Variants in ALDH1A2 observed in about 807,000 individuals in gnomAD.
The protein encoded by ALDH1A2 is aldehyde dehydrogenase 1 family member A2, also known as retinal dehydrogenase 2.
Under a neutral mutation model 60.3 loss-of-function variants are expected in ALDH1A2, and 27 were observed. The ratio of observed to expected loss-of-function variants is 0.45; its 90% CI spans 0.33 to 0.62. The LOEUF (loss-of-function observed/expected upper bound fraction) is 0.62, where lower values mean the gene tolerates loss of function less well. Among genes scored for constraint, ALDH1A2 ranks in the 20% least tolerant of loss-of-function variants. The pLI is 0.02. For missense variants in ALDH1A2, 581 were observed against 643.8 expected, an observed-to-expected ratio of 0.90 and a Z score of 1.06; for synonymous variants, 289 against 232.4, an observed-to-expected ratio of 1.24 and a Z score of -2.21.
At chr15:57,992,348 A>G (rs1894923756) in intron 7 of ALDH1A2, among the ~76,000 whole-genome samples, 1 of 152,216 alleles carries the variant, frequency 6.6e-6, no homozygotes, top group Non-Finnish European at 1.5e-5. Context: ...TGTCCAAACA[A>G]TGAGAAGGGA....
chr15:58,035,827 T>A (rs753780781), intron 1 of ALDH1A2, among the ~76,000 whole-genome samples: 1 of 151,714 alleles, frequency 6.6e-6, no homozygotes, highest in Non-Finnish European at 1.5e-5. Flanking sequence ...CCCCAGAATG[T>A]GGTCTATCTT....
chr15:58,061,050 C>T (rs917903815), intron 1 of ALDH1A2, among the ~76,000 whole-genome samples: 1 of 152,148 alleles, frequency 6.6e-6, no homozygotes, highest in Non-Finnish European at 1.5e-5. Context: ...GAATCCTCTA[C>T]TCTGAAATAC....
intron 1 of ALDH1A2, among the ~76,000 whole-genome samples, chr15:58,044,827 G>A (rs1284340987): frequency 1.3e-5 from 2 of 151,974 alleles, no homozygotes; most frequent in East Asian, 3.9e-4. Context: ...GCCGGTTTTG[G>A]ATGAGCAGAG....
At chr15:58,063,637 G>C (rs756243984) in intron 1 of ALDH1A2, among the ~76,000 whole-genome samples, 42 of 152,128 alleles carry the variant, frequency 2.8e-4, no homozygotes, top group Non-Finnish European at 5.0e-4. Context: ...AAACTGCTGG[G>C]AATGCTCACA....
At chr15:58,005,556 C>G (rs773682058) in intron 4 of ALDH1A2, among the ~76,000 whole-genome samples, 35 of 152,092 alleles carry the variant, frequency 2.3e-4, no homozygotes, top group Admixed American at 1.3e-3. Context: ...ATACCTTTCC[C>G]TAGCCTTCCC....
chr15:57,965,619 CTTAGCTTCAAATATCT>C (rs774203024), intron 8 of ALDH1A2, 90 bp downstream of exon 8: 1 of 911,656 alleles, frequency 1.1e-6, no homozygotes, highest in South Asian at 1.3e-5. Flanking sequence ...TTTGATTGCC[CTTAGCTTCAAATATCT>C]TTTGCTAGTG....
chr15:57,961,828 G>A, intron 10 of ALDH1A2, among the ~76,000 whole-genome samples, 184 bp downstream of exon 10: 1 of 152,138 alleles, frequency 6.6e-6, no homozygotes. Flanking sequence ...CCTCCACCTA[G>A]CTTGCTTGTC....
intron 5 of ALDH1A2, 88 bp downstream of exon 5, chr15:57,994,989 AC>A: frequency 7.8e-7 from 1 of 1,276,324 alleles, no homozygotes; most frequent in Non-Finnish European, 1.1e-6. Flanking sequence ...GTAATGGAAA[AC>A]ACACATCGCT....
At chr15:58,046,456 A>G (rs1376145782) in intron 1 of ALDH1A2, among the ~76,000 whole-genome samples, 1 of 152,042 alleles carries the variant, frequency 6.6e-6, no homozygotes, top group Non-Finnish European at 1.5e-5. Context: ...GAAATTCGTT[A>G]AAGATTGAGG....
chr15:58,040,117 A>G (rs771291021), intron 1 of ALDH1A2, among the ~76,000 whole-genome samples: 1 of 151,942 alleles, frequency 6.6e-6, no homozygotes, highest in Non-Finnish European at 1.5e-5. Flanking sequence ...ATTGTATAAA[A>G]TATCAGAGAG....
chr15:58,041,695 G>A (rs778170913), intron 1 of ALDH1A2, among the ~76,000 whole-genome samples: 15 of 151,926 alleles, frequency 9.9e-5, no homozygotes, highest in Non-Finnish European at 1.9e-4. Context: ...AATTCCCAAA[G>A]TTCTCATCTC....
chr15:58,007,025 G>C (rs938271631), intron 4 of ALDH1A2, among the ~76,000 whole-genome samples: 1 of 151,834 alleles, frequency 6.6e-6, no homozygotes, highest in Non-Finnish European at 1.5e-5. Context: ...GTGCCTTACA[G>C]AGAAAATACA....
At chr15:58,047,920 A>T (rs1896674863) in intron 1 of ALDH1A2, among the ~76,000 whole-genome samples, 1 of 152,088 alleles carries the variant, frequency 6.6e-6, no homozygotes, top group East Asian at 1.9e-4. Context: ...TATTATAGGG[A>T]CATGGGCTTT....
chr15:58,018,839 C>G (rs1359445423), intron 1 of ALDH1A2, among the ~76,000 whole-genome samples: 1 of 151,984 alleles, frequency 6.6e-6, no homozygotes, highest in Non-Finnish European at 1.5e-5. Context: ...GTGCCAAGGT[C>G]ATGAGAGGCT....
chr15:58,022,985 C>G (rs1895973423), intron 1 of ALDH1A2, among the ~76,000 whole-genome samples: 1 of 152,170 alleles, frequency 6.6e-6, no homozygotes, highest in Non-Finnish European at 1.5e-5. Flanking sequence ...ACACCATACT[C>G]CATCAACAGA....
In ALDH1A2 at chr15:57,992,685, C is replaced by T; in HGVS notation, c.798+20G>A. On this transcript the variant is annotated intron_variant, in intron 7 of 12. Coordinates refer to ENST00000249750, the MANE Select transcript of ALDH1A2 (RefSeq NM_003888.4). ...CATTTGCAAGACTGTTCCTCAAGCCCTGGTTTTTCAGATACCTACCTCAGT... is the reference window on the plus strand; with the variant it reads ...CATTTGCAAGACTGTTCCTCAAGCCTTGGTTTTTCAGATACCTACCTCAGT... 1 of 1,608,828 alleles carries T rather than the reference C, an allele frequency of 6.2e-7. No individual in the cohort carries two copies. The highest frequency in any genetic ancestry group is 8.5e-7 in the Non-Finnish European group (1 of 1,175,248).
intron 1 of ALDH1A2, among the ~76,000 whole-genome samples, chr15:58,016,599 C>T (rs1895796109): frequency 6.6e-6 from 1 of 152,074 alleles, no homozygotes; most frequent in African/African-American, 2.4e-5. Context: ...GTCTATTGAT[C>T]ATTTTATAAA....
At chr15:57,969,719 T>C (rs1416813722) in intron 7 of ALDH1A2, among the ~76,000 whole-genome samples, 1 of 152,224 alleles carries the variant, frequency 6.6e-6, no homozygotes, top group Non-Finnish European at 1.5e-5. Context: ...TTAAATCCTG[T>C]ATATGATGTA....
chr15:58,063,785 A>G (rs1897101686), intron 1 of ALDH1A2, among the ~76,000 whole-genome samples: 1 of 152,158 alleles, frequency 6.6e-6, no homozygotes, highest in African/African-American at 2.4e-5. Flanking sequence ...ACAATCCATT[A>G]TTTCATTTCT....
Sources: allele counts gnomAD v4.1 joint callset (sites outside exome capture counted in the v4.1 genomes callset), GRCh38; gene constraint gnomAD v4.1.1; transcripts MANE v1.5; gene names NCBI Gene and HGNC (gene_info 2026-07-23, HGNC 2026-07-21).